The following LINGO2 variants were observed in gnomAD, a reference collection of about 807,000 sequenced individuals.
LINGO2 encodes the protein leucine-rich repeat and immunoglobulin-like domain-containing nogo receptor-interacting protein 2.
A neutral mutation model predicts 30.6 loss-of-function variants in LINGO2; 14 were observed. The ratio of observed to expected loss-of-function variants is 0.46; its 90% CI spans 0.30 to 0.72. The LOEUF (loss-of-function observed/expected upper bound fraction) is 0.72. Ranked by LOEUF, LINGO2 falls within the 30% of genes least tolerant of loss-of-function variation. The pLI is 0.07. For synonymous variants in LINGO2, 317 were observed against 288.5 expected (o/e 1.10, Z -1.00); for missense variants, 729 against 751.7 (o/e 0.97, Z 0.35).
At chr9:28,364,572 T>G (rs1208059416) in intron 3 of LINGO2, among the ~76,000 whole-genome samples, 1 of 152,226 alleles carries the variant, frequency 6.6e-6, no homozygotes, top group African/African-American at 2.4e-5. Context: ...GCAAACATCA[T>G]CACACTGACT....
intron 1 of LINGO2, among the ~76,000 whole-genome samples, chr9:28,484,964 A>G (rs1826115198): frequency 1.3e-5 from 2 of 152,104 alleles, no homozygotes; most frequent in Admixed American, 1.3e-4. Context: ...AAGGACATCT[A>G]GGTCATGACT....
rs114425754 is a variant in LINGO2 at position 28,523,644 on chromosome 9, A to G, written c.-364-47619T>C. Reference sequence around the variant, plus strand: ...ATTGCATATACACACATTAGCAATGAACACTCAAAAATAAAATTAAGAAAA... The same window carrying G: ...ATTGCATATACACACATTAGCAATGGACACTCAAAAATAAAATTAAGAAAA... On this transcript the variant is annotated intron_variant, in intron 1 of 5. Transcript: ENST00000379992. 8.1e-3 allele frequency among the ~76,000 whole-genome samples: 1,231 copies of G among 152,324 alleles called. 18 individuals carry two copies. Among genetic ancestry groups the G allele is most frequent in the African/African-American group, 0.028 (1,160 of 41,582 alleles).
chr9:28,758,937 A>G, the LINGO2 span, among the ~76,000 whole-genome samples: 8 of 152,062 alleles, frequency 5.3e-5, no homozygotes, highest in African/African-American at 1.9e-4. Context: ...CAAATCTAAA[A>G]CAATATTTTC....
At chr9:29,111,924 T>A in the LINGO2 span, among the ~76,000 whole-genome samples, 6 of 150,084 alleles carry the variant, frequency 4.0e-5, no homozygotes, top group African/African-American at 1.2e-4. Flanking sequence ...TATTTATATA[T>A]GTGTGTATAT....
At chr9:28,775,479 A>T in the LINGO2 span, among the ~76,000 whole-genome samples, 1 of 152,180 alleles carries the variant, frequency 6.6e-6, no homozygotes, top group African/African-American at 2.4e-5. Context: ...TTCTTTAAAT[A>T]CCAGCATGGT....
chr9:28,234,707 C>T (rs958572417), intron 4 of LINGO2, among the ~76,000 whole-genome samples: 2 of 149,478 alleles, frequency 1.3e-5, no homozygotes, highest in Non-Finnish European at 2.9e-5. Context: ...AGTGGTTTAC[C>T]AGGGCCTCTT....
the LINGO2 span, among the ~76,000 whole-genome samples, chr9:28,814,703 C>G: frequency 1.3e-5 from 2 of 152,030 alleles, no homozygotes; most frequent in East Asian, 1.9e-4. Context: ...CTGGCCAACA[C>G]AGTGAAACCC....
chr9:29,189,081 G>A, the LINGO2 span, among the ~76,000 whole-genome samples: 2 of 79,216 alleles, frequency 2.5e-5, no homozygotes, highest in East Asian at 5.3e-4. Context: ...CCTCCATCCC[G>A]GACGGGGCGG....
chr9:28,038,744 C>T (rs890146450), intron 4 of LINGO2, among the ~76,000 whole-genome samples: 1 of 151,762 alleles, frequency 6.6e-6, no homozygotes, highest in Admixed American at 6.6e-5. Context: ...TGTAGTAGAC[C>T]CAAGCAGTGT....
the LINGO2 span, among the ~76,000 whole-genome samples, chr9:28,988,102 T>C: frequency 6.6e-6 from 1 of 152,188 alleles, no homozygotes; most frequent in South Asian, 2.1e-4. Context: ...TCTGTTGAGA[T>C]GAATGGTCCT....
At chr9:28,453,606 G>A (rs1342737278) in intron 2 of LINGO2, among the ~76,000 whole-genome samples, 1 of 151,750 alleles carries the variant, frequency 6.6e-6, no homozygotes, top group African/African-American at 2.4e-5. Flanking sequence ...CTAGATTATT[G>A]GGAATCTCTA....
rs181705008 is a variant in LINGO2, at chr9:28,632,024, G to T, written c.-365+38176C>A. On this transcript the variant is annotated intron_variant, in intron 1 of 5. Transcript: ENST00000379992. ...TAGTTAGAGCCAAGGGTGGCAAATAGATGTCAACATCCAGTGTTGCAGGAG... is the reference window on the plus strand; with the variant it reads ...TAGTTAGAGCCAAGGGTGGCAAATATATGTCAACATCCAGTGTTGCAGGAG... 1.6e-4 allele frequency among the ~76,000 whole-genome samples: 25 copies of T among 152,238 alleles called. 2 individuals carry two copies. In the East Asian group the frequency reaches 4.6e-3, roughly 28 times the overall value.
At chr9:29,200,117 G>A in the LINGO2 span, among the ~76,000 whole-genome samples, 141 of 151,978 alleles carry the variant, frequency 9.3e-4, no homozygotes, top group African/African-American at 3.0e-3. Context: ...AGTTTTTCCC[G>A]GATACATGAA....
intron 4 of LINGO2, among the ~76,000 whole-genome samples, chr9:28,167,626 G>C (rs551951874): frequency 5.3e-5 from 8 of 152,300 alleles, no homozygotes; most frequent in African/African-American, 1.9e-4. Flanking sequence ...TGCTCAAGTA[G>C]TATGCCCCCT....
intron 2 of LINGO2, among the ~76,000 whole-genome samples, chr9:28,378,443 A>G (rs921063033): frequency 6.6e-6 from 1 of 152,172 alleles, no homozygotes; most frequent in Non-Finnish European, 1.5e-5. Flanking sequence ...CCATGTGGCA[A>G]TAAATACAGG....
chr9:29,071,482 CATATATATAT>C, the LINGO2 span, among the ~76,000 whole-genome samples: 43,541 of 120,732 alleles, frequency 0.36, 8,135 homozygotes, highest in Middle Eastern at 0.48. Flanking sequence ...ATTAACTGGT[CATATATATAT>C]ATATATATAT....
At chr9:28,816,182 C>G in the LINGO2 span, among the ~76,000 whole-genome samples, 1 of 152,152 alleles carries the variant, frequency 6.6e-6, no homozygotes, top group Non-Finnish European at 1.5e-5. Flanking sequence ...GATCTAATCA[C>G]CTTTTTAAAG....
the LINGO2 span, among the ~76,000 whole-genome samples, chr9:28,891,715 A>C: frequency 1.1e-4 from 16 of 151,902 alleles, no homozygotes; most frequent in African/African-American, 3.9e-4. Flanking sequence ...GCTCTTTGAC[A>C]ACCTTTCTGC....
At chr9:28,268,326 T>G (rs976641430) in intron 4 of LINGO2, among the ~76,000 whole-genome samples, 2 of 152,186 alleles carry the variant, frequency 1.3e-5, no homozygotes, top group Non-Finnish European at 2.9e-5. Context: ...CAGTCTGTGA[T>G]GGTATCTGAA....
Sources: allele counts gnomAD v4.1 joint callset (sites outside exome capture counted in the v4.1 genomes callset), GRCh38; gene constraint gnomAD v4.1.1; transcripts MANE v1.5; gene names NCBI Gene and HGNC (gene_info 2026-07-23, HGNC 2026-07-21).